Variants in RABGAP1L observed in about 807,000 individuals in gnomAD.
RABGAP1L encodes RAB GTPase activating protein 1 like, also known as rab GTPase-activating protein 1-like.
Under a neutral mutation model 137.7 loss-of-function variants are expected in RABGAP1L, and 63 were observed. The observed-to-expected ratio is 0.46, with a 90% CI of 0.37 to 0.56. The LOEUF (loss-of-function observed/expected upper bound fraction) is 0.56. Among genes scored for constraint, RABGAP1L ranks in the 20% least tolerant of loss-of-function variants. The pLI, the probability that RABGAP1L is intolerant of heterozygous loss-of-function variation, is 0.00. For missense variants in RABGAP1L, 1,095 were observed against 1,244.0 expected, an observed-to-expected ratio of 0.88 and a Z score of 1.80; for synonymous variants, 431 against 433.7, an observed-to-expected ratio of 0.99 and a Z score of 0.08.
chr1:174,674,859 T>C (rs1298737845), intron 14 of RABGAP1L, among the ~76,000 whole-genome samples: 1 of 152,272 alleles, frequency 6.6e-6, no homozygotes, highest in African/African-American at 2.4e-5. Context: ...CATGTTTTCA[T>C]GTGTCTGTTG....
rs1216073940 is a variant in RABGAP1L, at chr1:174,724,686, G to A, written c.2169+22430G>A. Among the ~76,000 whole-genome samples, 7 of 152,056 alleles carry A rather than the reference G, an allele frequency of 4.6e-5. No individual in the cohort carries two copies. In the East Asian group the frequency reaches 5.8e-4, roughly 13 times the overall value. ...ATAACATATGGTTAATAGAACAGAC[G>A]TTGTCTTTGCATCTATAGTGCTAAT... On this transcript the variant is annotated intron_variant, in intron 17 of 25. Transcript: ENST00000681986.
chr1:174,160,386 T>TC (rs1326880666), intron 1 of RABGAP1L, among the ~76,000 whole-genome samples: 2 of 152,124 alleles, frequency 1.3e-5, no homozygotes, highest in Admixed American at 6.5e-5. Context: ...GGGCAGTGCG[T>TC]CAGCATGTGG....
chr1:174,690,461 C>T (rs1678792458), intron 15 of RABGAP1L, among the ~76,000 whole-genome samples: 1 of 152,078 alleles, frequency 6.6e-6, no homozygotes, highest in African/African-American at 2.4e-5. Flanking sequence ...TAATGCCTAC[C>T]TTGCAGGATT....
chr1:174,439,271 C>G (rs1653853939), intron 13 of RABGAP1L, among the ~76,000 whole-genome samples: 1 of 152,102 alleles, frequency 6.6e-6, no homozygotes, highest in South Asian at 2.1e-4. Flanking sequence ...ACTAAATTAA[C>G]TTTTCTTAAA....
chr1:174,521,701 T>C (rs1321524480), intron 13 of RABGAP1L, among the ~76,000 whole-genome samples: 2 of 152,130 alleles, frequency 1.3e-5, no homozygotes, highest in African/African-American at 4.8e-5. Context: ...AAGTTTGTAG[T>C]GGGGAAAACT....
At chr1:174,539,117 A>G (rs916722381) in intron 13 of RABGAP1L, among the ~76,000 whole-genome samples, 6 of 152,254 alleles carry the variant, frequency 3.9e-5, no homozygotes, top group African/African-American at 1.4e-4. Context: ...TTTCAAGAAT[A>G]AATTACCTAA....
rs533716511 is a variant in RABGAP1L at position 174,686,648 on chromosome 1, CTTTTTTT to C, written c.1899+3073_1899+3079del. Among the ~76,000 whole-genome samples, 32 of 105,840 alleles carry C rather than the reference CTTTTTTT, an allele frequency of 3.0e-4. 2 individuals are homozygous for C. The highest frequency in any genetic ancestry group is 1.6e-3 in the Admixed American group (15 of 9,118). 69.4% of individuals were successfully genotyped at this position (105,840 alleles called of 152,430 possible). A position where few individuals can be genotyped will look rare whatever the true frequency, so the allele number is the denominator to read the frequency against. On this transcript the variant is annotated intron_variant, in intron 15 of 25. Coordinates refer to ENST00000681986, the MANE Select transcript of RABGAP1L (RefSeq NM_001366446.1). ...GAAGCTTTGGTTTGAACAAAGCAAT[CTTTTTTT>C]TTTTTTTTTTTTTTTTTTTTGAGAT...
chr1:174,206,710 G>T (rs964556445), intron 1 of RABGAP1L, among the ~76,000 whole-genome samples: 2 of 152,170 alleles, frequency 1.3e-5, no homozygotes, highest in African/African-American at 2.4e-5. Context: ...TAGATCACGT[G>T]CACTGTGATT....
intron 10 of RABGAP1L, among the ~76,000 whole-genome samples, chr1:174,280,836 G>A (rs747659980): frequency 2.6e-5 from 4 of 152,266 alleles, no homozygotes; most frequent in African/African-American, 4.8e-5. Context: ...GAATGAAGCC[G>A]CGGACCCTTG....
intron 13 of RABGAP1L, among the ~76,000 whole-genome samples, chr1:174,620,784 CA>C (rs1417696749): frequency 1.3e-5 from 2 of 151,396 alleles, no homozygotes; most frequent in South Asian, 2.1e-4. Context: ...TAACTAAGAT[CA>C]GAGCAGAAAT....
rs371946749 is a variant in RABGAP1L, at chr1:174,301,991, C to G, written c.1324-2995C>G. 3.9e-5 allele frequency among the ~76,000 whole-genome samples: 6 copies of G among 152,236 alleles called. No homozygotes were observed. In the East Asian group the frequency reaches 1.2e-3, roughly 29 times the overall value. ...CTTGAAGGTGGGGTTTCACTGGGGA[C>G]CTGCCCCTGTCTGCCTAGGATTTGT... On this transcript the variant is annotated intron_variant, in intron 10 of 25. Coordinates refer to ENST00000681986, the MANE Select transcript of RABGAP1L (RefSeq NM_001366446.1).
chr1:174,838,342 C>T (rs926999079), intron 19 of RABGAP1L, among the ~76,000 whole-genome samples: 4 of 152,076 alleles, frequency 2.6e-5, no homozygotes, highest in African/African-American at 9.7e-5. Context: ...CTAAGGGGTC[C>T]TACCTGTAGC....
At chr1:174,821,515 A>G (rs1157964534) in intron 19 of RABGAP1L, among the ~76,000 whole-genome samples, 8 of 152,238 alleles carry the variant, frequency 5.3e-5, no homozygotes. Flanking sequence ...AGACAGTGGT[A>G]GATTCCTTTA....
chr1:174,689,135 T>C (rs997498312), intron 15 of RABGAP1L, among the ~76,000 whole-genome samples: 1 of 152,096 alleles, frequency 6.6e-6, no homozygotes, highest in African/African-American at 2.4e-5. Flanking sequence ...ATTTAACTTT[T>C]ATACATTTTT....
chr1:174,516,119 C>CCACACACA (rs1558300513), intron 13 of RABGAP1L, among the ~76,000 whole-genome samples: 1 of 90,170 alleles, frequency 1.1e-5, no homozygotes, highest in Non-Finnish European at 2.2e-5. Flanking sequence ...AACTGAAGCT[C>CCACACACA]TACACACACA....
intron 21 of RABGAP1L, among the ~76,000 whole-genome samples, chr1:174,973,469 C>A (rs1397290763): frequency 6.7e-6 from 1 of 149,442 alleles, no homozygotes; most frequent in Admixed American, 6.8e-5. Flanking sequence ...ACTGCAACCT[C>A]TATCTCCTGG....
intron 12 of RABGAP1L, among the ~76,000 whole-genome samples, chr1:174,383,644 C>T (rs535428474): frequency 5.1e-4 from 78 of 152,090 alleles, no homozygotes; most frequent in African/African-American, 1.7e-3. Context: ...CGCCCTGCTT[C>T]GGCTCGCGCA....
intron 16 of RABGAP1L, among the ~76,000 whole-genome samples, chr1:174,699,853 A>G (rs1160659507): frequency 6.6e-6 from 1 of 152,218 alleles, no homozygotes; most frequent in Non-Finnish European, 1.5e-5. Context: ...AAAATATCTC[A>G]CATTTTAAAT....
chr1:174,745,151 T>G (rs1246140731), intron 17 of RABGAP1L, among the ~76,000 whole-genome samples: 2 of 152,252 alleles, frequency 1.3e-5, no homozygotes, highest in Admixed American at 1.3e-4. Context: ...TTGGTGATTC[T>G]TGGTCTTTCT....
Sources: gnomAD v4.1 joint callset for allele counts (sites outside exome capture counted in the v4.1 genomes callset) on GRCh38, gnomAD v4.1.1 for gene constraint, MANE v1.5 for transcripts, NCBI Gene and HGNC (gene_info 2026-07-23, HGNC 2026-07-21) for gene names.